STARD13: variants seen among roughly 807,000 people sequenced by gnomAD.
STARD13 encodes stAR-related lipid transfer protein 13.
In STARD13, 62 loss-of-function variants were observed where a neutral mutation model predicts 106.4. The ratio of observed to expected loss-of-function variants is 0.58; its 90% CI spans 0.48 to 0.72. STARD13 has a LOEUF of 0.72. Among genes scored for constraint, STARD13 ranks in the 30% least tolerant of loss-of-function variants. The pLI, the probability that STARD13 is intolerant of heterozygous loss-of-function variation, is 0.00. For missense variants in STARD13, 1,387 were observed against 1,424.0 expected (o/e 0.97, Z 0.42); for synonymous variants, 565 against 553.0 (o/e 1.02, Z -0.31).
intron 3 of STARD13, among the ~76,000 whole-genome samples, chr13:33,149,630 C>T (rs1170340393): frequency 6.6e-6 from 1 of 152,198 alleles, no homozygotes; most frequent in Admixed American, 6.5e-5. Flanking sequence ...CTATGGTTGT[C>T]TGAAACTAGG....
chr13:33,504,134 G>A, the STARD13 span, among the ~76,000 whole-genome samples: 1 of 152,122 alleles, frequency 6.6e-6, no homozygotes, highest in South Asian at 2.1e-4. Flanking sequence ...TGGAGAAATA[G>A]GAACACTTTT....
At chr13:33,311,991 A>T (rs150260701) in intron 1 of STARD13, among the ~76,000 whole-genome samples, 307 of 152,360 alleles carry the variant, frequency 2.0e-3, no homozygotes, top group African/African-American at 7.0e-3. Context: ...TAAGAAAAAA[A>T]GTTAATGCTA....
the STARD13 span, among the ~76,000 whole-genome samples, chr13:33,666,088 G>A: frequency 6.6e-6 from 1 of 152,142 alleles, no homozygotes; most frequent in East Asian, 1.9e-4. Flanking sequence ...TTTGACCCCA[G>A]CCTTCTTACA....
chr13:33,202,242 T>A (rs974609014), intron 1 of STARD13, among the ~76,000 whole-genome samples: 1 of 152,202 alleles, frequency 6.6e-6, no homozygotes, highest in South Asian at 2.1e-4. Flanking sequence ...ATAGGACTAG[T>A]AGGTTAATAG....
the STARD13 span, among the ~76,000 whole-genome samples, chr13:33,426,173 G>A: frequency 5.9e-5 from 9 of 152,208 alleles, no homozygotes; most frequent in East Asian, 3.9e-4. Context: ...GAGACTAACC[G>A]TATACACTGA....
At chr13:33,507,939 C>T in the STARD13 span, among the ~76,000 whole-genome samples, 9 of 151,920 alleles carry the variant, frequency 5.9e-5, no homozygotes, top group Admixed American at 5.3e-4. Flanking sequence ...TTGGTCTTGC[C>T]GTCTCAGGGG....
the STARD13 span, among the ~76,000 whole-genome samples, chr13:33,496,147 T>C: frequency 8.0e-6 from 1 of 125,620 alleles, no homozygotes; most frequent in Non-Finnish European, 1.8e-5. Context: ...ATCATTTTAA[T>C]TTATGATTTT....
At chr13:33,368,054 C>T in the STARD13 span, among the ~76,000 whole-genome samples, 4 of 152,184 alleles carry the variant, frequency 2.6e-5, no homozygotes, top group African/African-American at 4.8e-5. Flanking sequence ...TTTCTTATTA[C>T]TGCTGTTTGA....
chr13:33,585,970 A>G, the STARD13 span, among the ~76,000 whole-genome samples: 1 of 152,178 alleles, frequency 6.6e-6, no homozygotes, highest in Non-Finnish European at 1.5e-5. Flanking sequence ...ATGGGGATGA[A>G]GTTTTAGTAT....
At chr13:33,341,912 C>G (rs1435192562) in intron 1 of STARD13, among the ~76,000 whole-genome samples, 1 of 151,998 alleles carries the variant, frequency 6.6e-6, no homozygotes, top group East Asian at 2.0e-4. Flanking sequence ...GCCTCAGCCT[C>G]TGGAGTAGCT....
chr13:33,673,442 A>G, the STARD13 span, among the ~76,000 whole-genome samples: 1 of 151,944 alleles, frequency 6.6e-6, no homozygotes, highest in Non-Finnish European at 1.5e-5. Flanking sequence ...CACCAGGCAT[A>G]TAGGTAGTAA....
At chr13:33,227,839 G>A (rs1325715937) in intron 1 of STARD13, among the ~76,000 whole-genome samples, 1 of 152,118 alleles carries the variant, frequency 6.6e-6, no homozygotes. Flanking sequence ...CAGGAGCTGT[G>A]TCAGGTACTG....
chr13:33,574,131 T>C, the STARD13 span, among the ~76,000 whole-genome samples: 1 of 152,002 alleles, frequency 6.6e-6, no homozygotes, highest in African/African-American at 2.4e-5. Context: ...GGGCGCTGAG[T>C]GTGAGGAGCT....
intron 1 of STARD13, among the ~76,000 whole-genome samples, chr13:33,173,163 G>A (rs1354993206): frequency 2.0e-5 from 3 of 152,206 alleles, no homozygotes; most frequent in Non-Finnish European, 4.4e-5. Flanking sequence ...TATCAAAGGT[G>A]TTAACATTTC....
chr13:33,461,510 T>G, the STARD13 span, among the ~76,000 whole-genome samples: 1 of 152,160 alleles, frequency 6.6e-6, no homozygotes, highest in Non-Finnish European at 1.5e-5. Flanking sequence ...GGACTCAGGT[T>G]TGTATTAGGT....
chr13:33,244,246 G>A (rs1889711383), intron 1 of STARD13, among the ~76,000 whole-genome samples: 1 of 151,920 alleles, frequency 6.6e-6, no homozygotes, highest in East Asian at 1.9e-4. Flanking sequence ...CTGTGGATGA[G>A]GAATTAGTCT....
chr13:33,551,021 C>T, the STARD13 span, among the ~76,000 whole-genome samples: 2 of 152,216 alleles, frequency 1.3e-5, no homozygotes, highest in Non-Finnish European at 2.9e-5. Context: ...TACTGTTACT[C>T]ATAAGGGTAT....
At position 33,105,201 on chromosome 13, in the gene STARD13, T is replaced by C. The variant is rs945161201; in HGVS notation, c.*392A>G. 7.5e-5 allele frequency: 12 copies of C among 160,284 alleles called. No individual in the cohort carries two copies. The highest frequency in any genetic ancestry group is 6.0e-4 in the Admixed American group (10 of 16,564). 9.9% of individuals were successfully genotyped at this position (160,284 alleles called of 1,614,324 possible). ...AACACACAATTCTATATAAAATTGGTATTTTACATATATACAGTAAAGATG... is the reference window on the plus strand; with the variant it reads ...AACACACAATTCTATATAAAATTGGCATTTTACATATATACAGTAAAGATG... On this transcript the variant is annotated 3_prime_UTR_variant, in exon 14 of 14. Transcript: ENST00000336934.
the STARD13 span, among the ~76,000 whole-genome samples, chr13:33,512,876 C>T: frequency 6.6e-6 from 1 of 152,172 alleles, no homozygotes; most frequent in Admixed American, 6.5e-5. Context: ...CCCTCCCAGT[C>T]CTCAGAAGAA....
Sources: gnomAD v4.1 joint callset for allele counts (sites outside exome capture counted in the v4.1 genomes callset) on GRCh38, gnomAD v4.1.1 for gene constraint, MANE v1.5 for transcripts, NCBI Gene and HGNC (gene_info 2026-07-23, HGNC 2026-07-21) for gene names.